The following MLXIPL variants were observed in gnomAD, a reference collection of about 807,000 sequenced individuals.
MLXIPL encodes carbohydrate-responsive element-binding protein.
MLXIPL carries 49 observed loss-of-function variants against 81.5 expected under a neutral mutation model. That is an observed-to-expected ratio of 0.60 (90% CI 0.48 to 0.76). The LOEUF (loss-of-function observed/expected upper bound fraction) is 0.76. MLXIPL is among the 30% of genes least tolerant of loss of function. The probability of loss-of-function intolerance (pLI) is 0.00; values close to 1 mark genes in which losing one functional copy is unlikely to be tolerated. For missense variants in MLXIPL, 1,053 were observed against 1,167.0 expected (o/e 0.90, Z 1.42); for synonymous variants, 466 against 485.5 (o/e 0.96, Z 0.53).
chr7:73,631,558 C>CTTTTTTTTTTTTTTTTTTTT, the MLXIPL span, among the ~76,000 whole-genome samples: 47 of 69,668 alleles, frequency 6.7e-4, 7 homozygotes, highest in Non-Finnish European at 9.2e-4. Context: ...GATGTTGCTA[C>CTTTTTTTTTTTTTTTTTTTT]TTTTTTTTTT....
chr7:73,616,109 C>A lies in MLXIPL; in HGVS notation c.362G>T (p.Arg121Leu). The A allele has an allele frequency of 6.2e-7, 1 of 1,613,990 alleles. No homozygotes were observed. The highest frequency in any genetic ancestry group is 1.1e-5 in the South Asian group (1 of 91,076). Residue 121 changes from arginine to leucine, a missense_variant, in exon 2 of 17, where the codon CGC becomes CTC. By Grantham distance (102) the Arg-to-Leu change is moderately radical. Coordinates refer to ENST00000313375, the MANE Select transcript of MLXIPL (RefSeq NM_032951.3). ...GGCCCTCCAGATGGCGTTGTTCAGG[C>A]GGATCTTGTCTCTGCAGAGCAGCTT... ...GLKLLCRDKI[R>L]LNNAIWRAWY...
upstream of MLXIPL, chr7:73,624,656 AGGTGAGAACCC>A: frequency 7.7e-7 from 1 of 1,302,780 alleles, no homozygotes. Flanking sequence ...TCCTTACGCC[AGGTGAGAACCC>A]GGTGCTCTGG....
In MLXIPL at chr7:73,605,605, C is replaced by T. The variant is rs535798277; in HGVS notation, c.901+83G>A. On this transcript the variant is annotated intron_variant, in intron 7 of 16. Coordinates refer to ENST00000313375, the MANE Select transcript of MLXIPL (RefSeq NM_032951.3). ...GAAACGACCCAGACTATCAGCCCTCCCAGAGGGGCCTGGGATGGGCTCATC... is the reference window on the plus strand; with the variant it reads ...GAAACGACCCAGACTATCAGCCCTCTCAGAGGGGCCTGGGATGGGCTCATC... 139 of 1,330,224 alleles carry T rather than the reference C, an allele frequency of 1.0e-4. 1 individual carries two copies. The highest frequency in any genetic ancestry group is 9.9e-4 in the Middle Eastern group (4 of 4,034). The allele number at this position is 1,330,224 out of a possible 1,614,324, so 82.4% of individuals were successfully genotyped here. A position where few individuals can be genotyped will look rare whatever the true frequency, so the allele number is the denominator to read the frequency against.
At position 73,624,315 on chromosome 7, in the gene MLXIPL, C is replaced by T. The variant is rs1554603048; in HGVS notation, c.178G>A (p.Asp60Asn). 2 of 1,587,102 alleles carry T rather than the reference C, an allele frequency of 1.3e-6. No individual in the cohort carries two copies. Among genetic ancestry groups the T allele is most frequent in the Non-Finnish European group, 1.7e-6 (2 of 1,168,938 alleles). The change falls in exon 1 of 17, where the codon GAC becomes AAC. Residue 60 changes from aspartate (D) to asparagine (N), a missense_variant. By Grantham distance (23) the Asp-to-Asn change is conservative (BLOSUM62 1). Coordinates refer to ENST00000313375, the MANE Select transcript of MLXIPL (RefSeq NM_032951.3). The stretch of plus-strand genomic sequence containing the variant: ...TGGTCGCGCCGCCGGGGCAGCGAGT[C>T]GCTGTGCGGCGACGACACCATGAAG... ...GHFMVSSPHS[D>N]SLPRRRDQEG...
chr7:73,607,629 G>A lies in MLXIPL; in HGVS notation c.444C>T (p.Pro148=), dbSNP rs72649027. 2 of 1,613,490 alleles carry A rather than the reference G, an allele frequency of 1.2e-6. No individual in the cohort carries two copies. The highest frequency in any genetic ancestry group is 1.7e-5 in the Admixed American group (1 of 60,012). ...RKSPVCGFVT[P]LQGPEADAHR... The stretch of plus-strand genomic sequence containing the variant: ...GCGCATCAGCCTCAGGCCCCTGCAG[G>A]GGGGTCACGAAGCCACACACGGGGC... The change falls in exon 3 of 17, where the codon CCC becomes CCT. Residue 148 remains proline (P), a synonymous_variant. Coordinates refer to ENST00000313375, the MANE Select transcript of MLXIPL (RefSeq NM_032951.3).
the MLXIPL span, among the ~76,000 whole-genome samples, chr7:73,646,768 T>G: frequency 6.6e-6 from 1 of 152,170 alleles, no homozygotes; most frequent in African/African-American, 2.4e-5. Flanking sequence ...AGACTTCTCC[T>G]GCATCTGAGG....
At position 73,596,892 on chromosome 7, in the gene MLXIPL, G is replaced by T. The variant is rs1394500551; in HGVS notation, c.1644C>A (p.Ser548Arg). 2 of 1,611,136 alleles carry T rather than the reference G, an allele frequency of 1.2e-6. No homozygotes were observed. Among genetic ancestry groups the T allele is most frequent in the African/African-American group, 2.7e-5 (2 of 74,842 alleles). The change falls in exon 10 of 17, where the codon AGC (serine) becomes AGA (arginine). Residue 548 changes from serine (S) to arginine (R), a missense_variant. Ser to Arg is a moderately radical substitution (Grantham distance 110). This residue lies in a region of MLXIPL where 823 missense variants were observed against 933.0 expected (regional missense o/e 0.88). Transcript: ENST00000313375. The surrounding 1 kb of genome is among the most constrained non-coding windows in gnomAD (Gnocchi z 4.7). ...GGGACCCTGGGGACCGGAGGAGGGT[G>T]CTGGATACAAGTGGTGGCTCCAGGG... ...EQALEPPLVS[S>R]TLLRSPGSPQ...
At chr7:73,602,138 T>TCCTGCCTGCCTGCCTGCCTG (rs1563487325) in intron 7 of MLXIPL, among the ~76,000 whole-genome samples, 9 of 134,536 alleles carry the variant, frequency 6.7e-5, no homozygotes, top group East Asian at 6.3e-4. Context: ...CTGCCTTCCT[T>TCCTGCCTGCCTGCCTGCCTG]CCTTCCTTCC....
chr7:73,603,421 C>T (rs1172104985), intron 7 of MLXIPL, among the ~76,000 whole-genome samples: 1 of 152,198 alleles, frequency 6.6e-6, no homozygotes, highest in Non-Finnish European at 1.5e-5. Context: ...TGTGCCCAGA[C>T]AGGGCCGCTG....
At chr7:73,640,519 G>A in the MLXIPL span, among the ~76,000 whole-genome samples, 1 of 152,154 alleles carries the variant, frequency 6.6e-6, no homozygotes, top group South Asian at 2.1e-4. Flanking sequence ...GCTCACGCTT[G>A]TAATCCCAGC....
rs1236253963 is a variant in MLXIPL, at chr7:73,593,319, G to A, written c.*546C>T. On this transcript the variant is annotated 3_prime_UTR_variant, in exon 17 of 17. Coordinates refer to ENST00000313375, the MANE Select transcript of MLXIPL (RefSeq NM_032951.3). ...GGTCACTCTGGCCCTGGTGTCTCCT[G>A]GGATCAGGCCCTCCTGGCCTCTCCC... 1 of 206,288 alleles carries A rather than the reference G, an allele frequency of 4.8e-6. No individual in the cohort carries two copies. Among genetic ancestry groups the A allele is most frequent in the Non-Finnish European group, 9.9e-6 (1 of 100,926 alleles). 12.8% of individuals were successfully genotyped at this position (206,288 alleles called of 1,614,324 possible).
the MLXIPL span, among the ~76,000 whole-genome samples, chr7:73,642,677 T>G: frequency 6.6e-6 from 1 of 152,038 alleles, no homozygotes; most frequent in Non-Finnish European, 1.5e-5. Flanking sequence ...TTATTTATTT[T>G]ATAAGACAGG....
the MLXIPL span, among the ~76,000 whole-genome samples, chr7:73,647,633 GA>G: frequency 6.6e-6 from 1 of 152,188 alleles, no homozygotes; most frequent in African/African-American, 2.4e-5. Context: ...ATAAGCCTAT[GA>G]ACCCCTTCAA....
chr7:73,634,745 G>A, the MLXIPL span, among the ~76,000 whole-genome samples: 6 of 151,258 alleles, frequency 4.0e-5, no homozygotes, highest in South Asian at 4.2e-4. Flanking sequence ...TATTAGGAAC[G>A]AAAAACCCAC....
chr7:73,606,017 C>T lies in MLXIPL; in HGVS notation c.713G>A (p.Gly238Asp), dbSNP rs782121302. Residue 238 changes from glycine (G) to aspartate (D), a missense_variant, in exon 6 of 17, where the codon GGT becomes GAT. By Grantham distance (94) the Gly-to-Asp change is moderately conservative (BLOSUM62 -1). Transcript: ENST00000313375. ...ATTGAGGTCCAGGAGCTGCCGCCCACCCGGCTCCTCCTCTGGGTCCCCCAG... is the reference window on the plus strand; with the variant it reads ...ATTGAGGTCCAGGAGCTGCCGCCCATCCGGCTCCTCCTCTGGGTCCCCCAG... The part of the protein sequence containing the change: ...VLLGDPEEEP[G>D]GRQLLDLNCF... 6 of 1,587,190 alleles carry T rather than the reference C, an allele frequency of 3.8e-6. No homozygotes were observed. In the East Asian group the frequency reaches 1.4e-4, roughly 36 times the overall value.
At chr7:73,607,085 TCTC>T in intron 4 of MLXIPL, 67 bp from the exon 5 acceptor site, 2 of 1,571,448 alleles carry the variant, frequency 1.3e-6, no homozygotes, top group East Asian at 2.3e-5. Flanking sequence ...CCCCCCAAAG[TCTC>T]CTCTACTCAC....
chr7:73,614,655 T>C (rs1554600407), intron 2 of MLXIPL, among the ~76,000 whole-genome samples: 1 of 152,150 alleles, frequency 6.6e-6, no homozygotes, highest in African/African-American at 2.4e-5. Flanking sequence ...TGCCCTGCCA[T>C]GGGGAGTGGG....
intron 1 of MLXIPL, among the ~76,000 whole-genome samples, chr7:73,621,118 G>A (rs1181577266): frequency 6.6e-6 from 1 of 151,810 alleles, no homozygotes; most frequent in Non-Finnish European, 1.5e-5. Context: ...GAGACTTAGA[G>A]AGGGGGTTGA....
intron 2 of MLXIPL, among the ~76,000 whole-genome samples, chr7:73,615,779 G>A (rs1415787070): frequency 6.6e-6 from 1 of 152,066 alleles, no homozygotes; most frequent in Admixed American, 6.6e-5. Context: ...TGGGAGTGGT[G>A]GTGGGTGCCT....
Sources: allele counts gnomAD v4.1 joint callset (sites outside exome capture counted in the v4.1 genomes callset), GRCh38; gene constraint gnomAD v4.1.1; regional missense constraint gnomAD v4.1.1; non-coding constraint Gnocchi (gnomAD v3.1); transcripts MANE v1.5; gene names NCBI Gene and HGNC (gene_info 2026-07-23, HGNC 2026-07-21).